The following NF1 variants were observed in gnomAD, a reference collection of about 807,000 sequenced individuals.
NF1 encodes neurofibromin 1.
A neutral mutation model predicts 325.7 loss-of-function variants in NF1; 122 were observed. That is an observed-to-expected ratio of 0.37 (90% CI 0.32 to 0.44). The LOEUF (loss-of-function observed/expected upper bound fraction) is 0.44, where lower values mean the gene tolerates loss of function less well. NF1 is among the 20% of genes least tolerant of loss of function. NF1 has a pLI of 1.00. For synonymous variants in NF1, 1,091 were observed against 1,186.0 expected (o/e 0.92, Z 1.65); for missense variants, 2,140 against 3,415.4 (o/e 0.63, Z 9.31).
chr17:31,320,288 A>C, intron 36 of NF1: 2 of 1,120,764 alleles, frequency 1.8e-6, no homozygotes, highest in Non-Finnish European at 2.4e-6. Flanking sequence ...CCTGGTTAAG[A>C]ACCCTACGTA....
At chr17:31,162,586 T>G (rs2065781742) in intron 3 of NF1, among the ~76,000 whole-genome samples, 1 of 152,224 alleles carries the variant, frequency 6.6e-6, no homozygotes, top group Non-Finnish European at 1.5e-5. Flanking sequence ...ACAAGGGAAT[T>G]GTTTATTTTT....
At chr17:31,169,323 G>A (rs566013456) in intron 4 of NF1, among the ~76,000 whole-genome samples, 6 of 152,206 alleles carry the variant, frequency 3.9e-5, no homozygotes, top group East Asian at 1.9e-4. Flanking sequence ...GCCGAAAGTC[G>A]GCAATATTTA....
chr17:31,245,150 G>A (rs1280778079), intron 29 of NF1, among the ~76,000 whole-genome samples: 1 of 152,146 alleles, frequency 6.6e-6, no homozygotes, highest in Non-Finnish European at 1.5e-5. Context: ...GTAGGCAATT[G>A]TCAGGGTTTC....
chr17:31,295,857 A>G (rs1336646608), intron 36 of NF1: 4 of 1,614,110 alleles, frequency 2.5e-6, no homozygotes, highest in African/African-American at 2.7e-5. Flanking sequence ...GGAACTGTCC[A>G]AAGTTTGTTA....
At position 31,330,284 on chromosome 17, in the gene NF1, G is replaced by A. The variant is rs749499960; in HGVS notation, c.5610-12G>A. ...TACGTTTTAAAACAACTTCATTTGT[G>A]TTTTCTCCTAGGTCAGCTGCCTATA... On this transcript the variant is annotated splice_polypyrimidine_tract_variant and intron_variant, in intron 38 of 57. Transcript: ENST00000358273. The A allele has an allele frequency of 2.5e-6, 4 of 1,613,022 alleles. No individual in the cohort carries two copies. The African/African-American group carries it at 5.3e-5, about 22-fold the overall frequency.
chr17:31,264,123 G>A (rs915454537), intron 35 of NF1, among the ~76,000 whole-genome samples: 43 of 152,330 alleles, frequency 2.8e-4, no homozygotes, highest in African/African-American at 1.0e-3. Context: ...TTTAGGCCGA[G>A]TGCGGTGACT....
chr17:31,145,781 G>C (rs1438800793), intron 1 of NF1, among the ~76,000 whole-genome samples: 1 of 152,138 alleles, frequency 6.6e-6, no homozygotes, highest in East Asian at 1.9e-4. Context: ...GAAGTAAAGG[G>C]AACAAAAGAA....
chr17:31,143,090 G>T (rs1916348269), intron 1 of NF1, among the ~76,000 whole-genome samples: 1 of 151,966 alleles, frequency 6.6e-6, no homozygotes, highest in South Asian at 2.1e-4. Context: ...TTTTGTTATA[G>T]AATTTATACA....
At chr17:31,216,896 C>T (rs2066828364) in intron 13 of NF1, among the ~76,000 whole-genome samples, 1 of 152,170 alleles carries the variant, frequency 6.6e-6, no homozygotes, top group African/African-American at 2.4e-5. Context: ...TTACTCTTAA[C>T]ATAGTAATTC....
At chr17:31,151,143 G>T (rs763229404) in intron 1 of NF1, among the ~76,000 whole-genome samples, 1 of 152,106 alleles carries the variant, frequency 6.6e-6, no homozygotes, top group Non-Finnish European at 1.5e-5. Flanking sequence ...TTATAATATG[G>T]TATCATTACC....
At chr17:31,139,163 T>G (rs544964477) in intron 1 of NF1, among the ~76,000 whole-genome samples, 14 of 152,280 alleles carry the variant, frequency 9.2e-5, no homozygotes, top group African/African-American at 2.9e-4. Flanking sequence ...TTCTTGTGCC[T>G]CAGCCTCTCA....
At chr17:31,116,742 A>T (rs1314689584) in intron 1 of NF1, among the ~76,000 whole-genome samples, 1 of 151,824 alleles carries the variant, frequency 6.6e-6, no homozygotes, top group East Asian at 1.9e-4. Context: ...ATCTCCGCTC[A>T]CTGCAAGCTC....
intron 12 of NF1, among the ~76,000 whole-genome samples, chr17:31,212,276 T>G (rs1338785900): frequency 2.6e-5 from 4 of 152,126 alleles, no homozygotes; most frequent in Non-Finnish European, 5.9e-5. Context: ...CATTGGAAGG[T>G]TTTTAGGGGA....
chr17:31,303,976 G>T, intron 36 of NF1: 1 of 248,362 alleles, frequency 4.0e-6, no homozygotes. Context: ...TGGGTAATAA[G>T]TATATGTAGA....
chr17:31,171,472 C>T (rs1455313355), intron 5 of NF1, among the ~76,000 whole-genome samples: 2 of 152,108 alleles, frequency 1.3e-5, no homozygotes, highest in African/African-American at 4.8e-5. Flanking sequence ...GGAAACAAGT[C>T]TAGTCCAGGT....
intron 36 of NF1, among the ~76,000 whole-genome samples, chr17:31,324,313 C>T (rs530903929): frequency 2.4e-4 from 36 of 152,228 alleles, no homozygotes; most frequent in Middle Eastern, 3.4e-3. Flanking sequence ...GTGATCTGCC[C>T]GTCTTGGCCT....
intron 36 of NF1, among the ~76,000 whole-genome samples, chr17:31,322,392 A>C (rs1189021748): frequency 1.3e-5 from 2 of 151,348 alleles, no homozygotes; most frequent in Admixed American, 6.6e-5. Flanking sequence ...AGACAGGAGA[A>C]TAGCTTGAAC....
intron 57 of NF1, among the ~76,000 whole-genome samples, chr17:31,370,988 T>A (rs1423320148): frequency 6.6e-6 from 1 of 152,078 alleles, no homozygotes. Flanking sequence ...GCTGACAAAT[T>A]CATAATTTTA....
chr17:31,301,443 A>G (rs1597796196), intron 36 of NF1, among the ~76,000 whole-genome samples: 1 of 151,832 alleles, frequency 6.6e-6, no homozygotes, highest in East Asian at 1.9e-4. Flanking sequence ...CTTCTGTTCC[A>G]TTGATCTGTT....
Sources: gnomAD v4.1 joint callset for allele counts (sites outside exome capture counted in the v4.1 genomes callset) on GRCh38, gnomAD v4.1.1 for gene constraint, MANE v1.5 for transcripts, NCBI Gene and HGNC (gene_info 2026-07-23, HGNC 2026-07-21) for gene names.